The following NCOR2 variants were observed in gnomAD, a reference collection of about 807,000 sequenced individuals.
The protein encoded by NCOR2 is CTG repeat protein 26.
Under a neutral mutation model 262.9 loss-of-function variants are expected in NCOR2, and 81 were observed. The ratio of observed to expected loss-of-function variants is 0.31; its 90% CI spans 0.26 to 0.37. NCOR2 has a LOEUF of 0.37. Ranked by LOEUF, NCOR2 falls within the 10% of genes least tolerant of loss-of-function variation. The pLI is 1.00. For missense variants in NCOR2, 3,385 were observed against 3,621.4 expected, an observed-to-expected ratio of 0.93 and a Z score of 1.68; for synonymous variants, 1,659 against 1,559.3, an observed-to-expected ratio of 1.06 and a Z score of -1.51.
chr12:124,333,886 ATG>A (rs771184483), intron 41 of NCOR2, among the ~76,000 whole-genome samples: 16 of 120,804 alleles, frequency 1.3e-4, no homozygotes, highest in African/African-American at 3.6e-4. Context: ...GCGGGTGTGC[ATG>A]TGTGTGTGCG....
rs2050775181 is a variant in NCOR2 at position 124,531,538 on chromosome 12, G to A, written c.-118+4027C>T. Among the ~76,000 whole-genome samples, 2 of 152,162 alleles carry A rather than the reference G, an allele frequency of 1.3e-5. No homozygotes were observed. Among genetic ancestry groups the A allele is most frequent in the Admixed American group, 1.3e-4 (2 of 15,276 alleles). ...GAGCAGGAAGGAAGGGGGAGGGGAG[G>A]AAGGGATTGCAGGGAGCCCCCGCCC... On this transcript the variant is annotated intron_variant, in intron 1 of 46. Coordinates refer to the NCOR2 transcript ENST00000404621. This position sits in a 1 kb window ranked among gnomAD's most constrained non-coding sequence, Gnocchi z 4.5.
chr12:124,541,947 G>C (rs928246350), intron 1 of NCOR2, among the ~76,000 whole-genome samples: 12 of 149,732 alleles, frequency 8.0e-5, no homozygotes, highest in Non-Finnish European at 8.9e-5. Flanking sequence ...GAGCTGGAAG[G>C]GGATGGGGGC....
At chr12:124,361,505 C>T (rs537397608) in intron 22 of NCOR2, among the ~76,000 whole-genome samples, 9 of 152,358 alleles carry the variant, frequency 5.9e-5, no homozygotes, top group Admixed American at 3.9e-4. Context: ...TTGAGCTTCA[C>T]GTGATGACAG....
intron 1 of NCOR2, among the ~76,000 whole-genome samples, chr12:124,508,912 C>A (rs532224979): frequency 9.9e-5 from 15 of 152,208 alleles, no homozygotes; most frequent in Admixed American, 5.9e-4. Context: ...GGTGGAGCGC[C>A]AGCAACGGCT....
At chr12:124,486,594 G>A in intron 1 of NCOR2, 26 bp from the exon 4 acceptor site, 6 of 1,547,884 alleles carry the variant, frequency 3.9e-6, no homozygotes, top group South Asian at 1.2e-5. Flanking sequence ...GAGGAGTGGT[G>A]AGCGTGGGCG....
intron 44 of NCOR2, 166 bp from the exon 47 acceptor site, chr12:124,327,799 C>T (rs1046995380): frequency 3.3e-6 from 2 of 609,396 alleles, no homozygotes; most frequent in Non-Finnish European, 5.8e-6. Context: ...ATATTTATTT[C>T]CCTATCCCTC....
intron 1 of NCOR2, among the ~76,000 whole-genome samples, chr12:124,506,059 GC>G (rs986836211): frequency 8.6e-5 from 13 of 150,594 alleles, no homozygotes; most frequent in South Asian, 2.1e-4. Context: ...TCTGCTTCAA[GC>G]CCCCCAGCTT....
chr12:124,476,617 G>A (rs2047111731), intron 3 of NCOR2, among the ~76,000 whole-genome samples: 1 of 152,156 alleles, frequency 6.6e-6, no homozygotes, highest in South Asian at 2.1e-4. Context: ...AGCAGCGGCT[G>A]GCAACCACTA....
intron 13 of NCOR2, among the ~76,000 whole-genome samples, chr12:124,413,519 C>T (rs958899417): frequency 4.6e-5 from 7 of 152,116 alleles, no homozygotes; most frequent in Non-Finnish European, 8.8e-5. Context: ...CAGGAAGGCC[C>T]CTGCGAGCGG....
At chr12:124,326,462 C>T in intron 45 of NCOR2, 92 bp from the exon 48 acceptor site, 1 of 1,236,550 alleles carries the variant, frequency 8.1e-7, no homozygotes, top group Non-Finnish European at 1.1e-6. Context: ...TGAGGTCCTG[C>T]CATGGGCCCT....
chr12:124,534,793 T>C (rs2051039231), intron 1 of NCOR2, among the ~76,000 whole-genome samples: 1 of 152,224 alleles, frequency 6.6e-6, no homozygotes. Flanking sequence ...GTGACCAACC[T>C]GTGCCTCAGT....
Position 124,338,127 on chromosome 12 carries a change from G to T in NCOR2, c.5688-947C>A, listed in dbSNP as rs910862102. ...ATAATTGAAATAATGATTAGGGGAG[G>T]TATGACTTCAGGCATCCAAGCGGCA... On this transcript the variant is annotated intron_variant, in intron 37 of 46. Transcript: ENST00000405201. Among the ~76,000 whole-genome samples the T allele has an allele frequency of 3.3e-5, 5 of 152,290 alleles. No individual in the cohort carries two copies. In the East Asian group the frequency reaches 5.8e-4, roughly 18 times the overall value.
chr12:124,349,434 T>C (rs996700648), intron 28 of NCOR2, among the ~76,000 whole-genome samples: 1 of 151,992 alleles, frequency 6.6e-6, no homozygotes, highest in Non-Finnish European at 1.5e-5. Flanking sequence ...GGGTACTAGG[T>C]TGCTGTTCAG....
chr12:124,359,008 C>A (rs1235015702), intron 22 of NCOR2, among the ~76,000 whole-genome samples: 1 of 152,264 alleles, frequency 6.6e-6, no homozygotes, highest in Non-Finnish European at 1.5e-5. Context: ...TGGCCTTAAT[C>A]CAGACTGCTA....
chr12:124,479,336 AAAC>A (rs1158402292), intron 3 of NCOR2, among the ~76,000 whole-genome samples: 2 of 151,112 alleles, frequency 1.3e-5, no homozygotes, highest in Non-Finnish European at 1.5e-5. Flanking sequence ...GTGCGCACAC[AAAC>A]ACACATACAC....
At position 124,389,079 on chromosome 12, in the gene NCOR2, G is replaced by A. The variant is rs749507230; in HGVS notation, c.1877-3192C>T. Among the ~76,000 whole-genome samples, 9 of 152,228 alleles carry A rather than the reference G, an allele frequency of 5.9e-5. No individual in the cohort carries two copies. Among genetic ancestry groups the A allele is most frequent in the Admixed American group, 2.0e-4 (3 of 15,288 alleles). On this transcript the variant is annotated intron_variant, in intron 16 of 46. Coordinates refer to ENST00000405201, the Ensembl canonical transcript of NCOR2. The surrounding 1 kb of genome is among the most constrained non-coding windows in gnomAD (Gnocchi z 4.4). ...CCCTTCCCCGAGGGTGGTGGGTGGC[G>A]GGAAGTTGTCAGTGGTGCGTGTGGG...
At chr12:124,553,477 C>CG (rs2051779713) in intron 1 of NCOR2, among the ~76,000 whole-genome samples, 1 of 152,324 alleles carries the variant, frequency 6.6e-6, no homozygotes, top group South Asian at 2.1e-4. Flanking sequence ...ATTCTGAACT[C>CG]CCAACAGGCG....
rs948451137 is a variant in NCOR2 at position 124,548,272 on chromosome 12, C to T, written c.-164-12661G>A. On this transcript the variant is annotated intron_variant, in intron 1 of 32. Transcript: ENST00000458234. This position sits in a 1 kb window ranked among gnomAD's most constrained non-coding sequence, Gnocchi z 5.1. ...AAACGCGAAGGCCCAGAGGCAGATG[C>T]GGTCGGTGAGGGCTGAGGAGCTCCC... Among the ~76,000 whole-genome samples the T allele has an allele frequency of 1.3e-5, 2 of 152,152 alleles. No homozygotes were observed. Among genetic ancestry groups the T allele is most frequent in the East Asian group, 1.9e-4 (1 of 5,194 alleles).
intron 19 of NCOR2, among the ~76,000 whole-genome samples, chr12:124,373,469 G>A (rs1432461420): frequency 3.0e-4 from 33 of 109,246 alleles, no homozygotes; most frequent in African/African-American, 1.2e-3. Context: ...CAGTGCGTGC[G>A]CAGGGGCCCC....
Sources: allele counts gnomAD v4.1 joint callset (sites outside exome capture counted in the v4.1 genomes callset), GRCh38; gene constraint gnomAD v4.1.1; non-coding constraint Gnocchi (gnomAD v3.1); transcripts MANE v1.5; gene names NCBI Gene and HGNC (gene_info 2026-07-23, HGNC 2026-07-21).